OPLAH: variants seen among roughly 807,000 people sequenced by gnomAD.
OPLAH encodes 5-oxoprolinase.
In OPLAH, 103 loss-of-function variants were observed where a neutral mutation model predicts 122.8. The ratio of observed to expected loss-of-function variants is 0.84; its 90% CI spans 0.71 to 0.99. OPLAH has a LOEUF of 0.99. Among genes scored for constraint, OPLAH ranks in the 50% least tolerant of loss-of-function variants. The pLI is 0.00. For missense variants in OPLAH, 1,902 were observed against 1,836.5 expected (o/e 1.04, Z -0.65); for synonymous variants, 875 against 796.0 (o/e 1.10, Z -1.67).
Position 144,051,903 on chromosome 8 carries a change from G to C in OPLAH, c.3622+13C>G. ...GGGGCGGGGAGGGCCGCGAGGGCTG[G>C]GGAACCGCGCACCGTGGAGCCCGTA... On this transcript the variant is annotated intron_variant, in intron 25 of 26. Coordinates refer to ENST00000618853, the MANE Select transcript of OPLAH (RefSeq NM_017570.5). The C allele has an allele frequency of 6.5e-7, 1 of 1,530,636 alleles. No homozygotes were observed. 94.8% of individuals were successfully genotyped at this position (1,530,636 alleles called of 1,614,324 possible).
At chr8:144,058,733 C>T (rs376334595) in intron 5 of OPLAH, 40 bp downstream of exon 5, 17 of 1,581,532 alleles carry the variant, frequency 1.1e-5, no homozygotes, top group South Asian at 2.3e-5. Flanking sequence ...CCACCAGGCC[C>T]GGCACCTGCT....
At chr8:144,056,581 C>T in intron 13 of OPLAH, 37 bp downstream of exon 13, 1 of 1,612,292 alleles carries the variant, frequency 6.2e-7, no homozygotes, top group Non-Finnish European at 8.5e-7. Context: ...GACAGGAGGG[C>T]CCCTTGCCAG....
In OPLAH at chr8:144,053,334, G is replaced by A. The variant is rs1835435929; in HGVS notation, c.2746C>T (p.Leu916=). The change falls in exon 20 of 27, where the codon CTG becomes TTG. Residue 916 remains leucine (L), a synonymous_variant. Transcript: ENST00000618853. ...KVPNCSGTRN[L]HDNLSDLRAQ... Reference sequence around the variant, plus strand: ...CGGAGGTCCGACAGGTTGTCGTGCAGGTTTCTGGTTCCGCTGCAGTTGGGG... The same window carrying A: ...CGGAGGTCCGACAGGTTGTCGTGCAAGTTTCTGGTTCCGCTGCAGTTGGGG... 1 of 1,612,906 alleles carries A rather than the reference G, an allele frequency of 6.2e-7. No individual in the cohort carries two copies. The highest frequency in any genetic ancestry group is 1.1e-5 in the South Asian group (1 of 91,074).
chr8:144,052,955 G>T, intron 21 of OPLAH, 28 bp downstream of exon 21: 4 of 1,582,770 alleles, frequency 2.5e-6, no homozygotes, highest in Non-Finnish European at 3.4e-6. Context: ...TGCCCCTGCC[G>T]CCTAGAGGCA....
rs535876529 is a variant in OPLAH, at chr8:144,054,881, G to T, written c.2442C>A (p.Gly814=). 1 of 1,610,374 alleles carries T rather than the reference G, an allele frequency of 6.2e-7. No homozygotes were observed. Among genetic ancestry groups the T allele is most frequent in the Admixed American group, 1.7e-5 (1 of 59,850 alleles). ...TGGGATGGTTGCTCAGTAGCACGTCGCCAGGGTGGAGATCGGCCCCCAGGT... is the reference window on the plus strand; with the variant it reads ...TGGGATGGTTGCTCAGTAGCACGTCTCCAGGGTGGAGATCGGCCCCCAGGT... The part of the protein sequence containing the change: ...IQHLGADLHP[G]DVLLSNHPSA... The change falls in exon 18 of 27, where the codon GGC becomes GGA. Residue 814 remains glycine, a synonymous_variant. Transcript: ENST00000618853.
chr8:144,053,381 G>A lies in OPLAH; in HGVS notation c.2699C>T (p.Ala900Val), dbSNP rs186909122. 1.6e-5 allele frequency: 25 copies of A among 1,606,740 alleles called. No homozygotes were observed. The African/African-American group carries it at 3.3e-4, about 21-fold the overall frequency. The change falls in exon 20 of 27, where the codon GCC (alanine) becomes GTC (valine). Residue 900 changes from alanine (A) to valine (V), a missense_variant. Coordinates refer to ENST00000618853, the MANE Select transcript of OPLAH (RefSeq NM_017570.5). The stretch of plus-strand genomic sequence containing the variant: ...GGGGACCTTGCCTGGCGCCCGCAGG[G>A]CCTCCGTCACCGCTGGATGGACAGT... ...GVFQEEAVTE[A>V]LRAPGKVPNC...
chr8:144,055,820 G>A lies in OPLAH; in HGVS notation c.2216C>T (p.Ser739Phe). ...GCTCATGAAGCGGTGTGAGAAGATG[G>A]ACAGCTGGATAGGGTCCAGCTGGGG... ...VGPQLDPIQL[S>F]IFSHRFMSIA... Residue 739 changes from serine to phenylalanine, a missense_variant, in exon 16 of 27, where the codon TCC becomes TTC. This residue lies in a region of OPLAH where 1,726 missense variants were observed against 1,642.1 expected (regional missense o/e 1.05). Transcript: ENST00000618853. The surrounding 1 kb of genome is among the most constrained non-coding windows in gnomAD (Gnocchi z 6.5). 5 of 1,562,566 alleles carry A rather than the reference G, an allele frequency of 3.2e-6. No homozygotes were observed. Among genetic ancestry groups the A allele is most frequent in the Non-Finnish European group, 4.3e-6 (5 of 1,154,954 alleles).
In OPLAH at chr8:144,055,948, C is replaced by T. The variant is rs1554758906; in HGVS notation, c.2097-9G>A. ...GCTCCACCAGGATGGTGCTGGGGAG[C>T]AGAGGGCACAGAGGGCTGCATGGGG... On this transcript the variant is annotated splice_polypyrimidine_tract_variant and intron_variant, in intron 15 of 26. Transcript: ENST00000618853. This position sits in a 1 kb window ranked among gnomAD's most constrained non-coding sequence, Gnocchi z 6.5. The T allele has an allele frequency of 4.5e-6, 7 of 1,550,206 alleles. 1 individual carries two copies. The South Asian group carries it at 8.4e-5, about 18-fold the overall frequency.
upstream of OPLAH, among the ~76,000 whole-genome samples, chr8:144,061,359 A>C (rs1835660223): frequency 1.3e-5 from 2 of 152,128 alleles, no homozygotes; most frequent in Non-Finnish European, 2.9e-5. Context: ...CGCTACTAAA[A>C]ATACAAAAAT....
chr8:144,054,615 C>T lies in OPLAH; in HGVS notation c.2632G>A (p.Gly878Ser), dbSNP rs889632342. 4 of 1,608,186 alleles carry T rather than the reference C, an allele frequency of 2.5e-6. No homozygotes were observed. Among genetic ancestry groups the T allele is most frequent in the East Asian group, 2.2e-5 (1 of 44,702 alleles). Residue 878 changes from glycine to serine, a missense_variant, in exon 19 of 27, where the codon GGT (glycine) becomes AGT (serine). Transcript: ENST00000618853. ...AGTTTGAAGGACAGAAAGACGGCAC[C>T]CTCCTGTTGCAGCATGGTGGAGTGG... ...PPHSTMLQQE[G>S]AVFLSFKLVQ...
At chr8:144,057,162 C>T (rs1554759454) in intron 11 of OPLAH, 44 bp from the exon 12 acceptor site, 1 of 1,597,404 alleles carries the variant, frequency 6.3e-7, no homozygotes, top group Non-Finnish European at 8.5e-7. Flanking sequence ...ACCTCCCAAG[C>T]CCGGCGCAGA....
At chr8:144,054,151 C>G (rs1554758370) in intron 19 of OPLAH, among the ~76,000 whole-genome samples, 1 of 151,922 alleles carries the variant, frequency 6.6e-6, no homozygotes, top group African/African-American at 2.4e-5. Flanking sequence ...CACGGCCACC[C>G]ACCACCCAGT....
In OPLAH at chr8:144,051,906, A is replaced by G. The variant is rs1835387051; in HGVS notation, c.3622+10T>C. On this transcript the variant is annotated intron_variant, in intron 25 of 26. Coordinates refer to ENST00000618853, the MANE Select transcript of OPLAH (RefSeq NM_017570.5). ...GCGGGGAGGGCCGCGAGGGCTGGGG[A>G]ACCGCGCACCGTGGAGCCCGTATGG... The G allele has an allele frequency of 6.5e-7, 1 of 1,530,578 alleles. No individual in the cohort carries two copies. The allele number at this position is 1,530,578 out of a possible 1,614,324, so 94.8% of individuals were successfully genotyped here. A position where few individuals can be genotyped will look rare whatever the true frequency, so the allele number is the denominator to read the frequency against.
chr8:144,052,441 C>T lies in OPLAH; in HGVS notation c.3303+8G>A. 2.0e-6 allele frequency: 3 copies of T among 1,534,232 alleles called. No homozygotes were observed. The highest frequency in any genetic ancestry group is 2.0e-5 in the Admixed American group (1 of 50,824). The stretch of plus-strand genomic sequence containing the variant: ...CGCCCCCGAGCTGCGCCCACCCCGC[C>T]CCCGCACCTGGGAGGCGGCGCAGGC... On this transcript the variant is annotated splice_region_variant and intron_variant, in intron 23 of 26. Transcript: ENST00000618853.
chr8:144,063,449 A>C (rs1835695210), upstream of OPLAH, among the ~76,000 whole-genome samples: 1 of 152,170 alleles, frequency 6.6e-6, no homozygotes, highest in Admixed American at 6.5e-5. The surrounding 1 kb of genome is among the most constrained non-coding windows in gnomAD (Gnocchi z 4.2). Flanking sequence ...TGACAGCTTC[A>C]GGCACAGACA....
chr8:144,052,431 C>A lies in OPLAH; in HGVS notation c.3303+18G>T, dbSNP rs1247366939. 3 of 1,532,292 alleles carry A rather than the reference C, an allele frequency of 2.0e-6. No individual in the cohort carries two copies. In the African/African-American group the frequency reaches 4.1e-5, roughly 21 times the overall value. The allele number at this position is 1,532,292 out of a possible 1,614,324, so 94.9% of individuals were successfully genotyped here. A position where few individuals can be genotyped will look rare whatever the true frequency, so the allele number is the denominator to read the frequency against. On this transcript the variant is annotated intron_variant, in intron 23 of 26. Transcript: ENST00000618853. ...CCACCCAGTCCGCCCCCGAGCTGCG[C>A]CCACCCCGCCCCCGCACCTGGGAGG...
At chr8:144,056,856 G>T (rs546488295) in intron 12 of OPLAH, 92 bp downstream of exon 12, 24 of 1,423,874 alleles carry the variant, frequency 1.7e-5, no homozygotes, top group Non-Finnish European at 2.2e-5. Flanking sequence ...CGCACACCCC[G>T]GGACCACCTG....
rs1483642146 is a variant in OPLAH, at chr8:144,057,177, A to T, written c.1535+31T>A. 3 of 1,604,868 alleles carry T rather than the reference A, an allele frequency of 1.9e-6. No homozygotes were observed. The South Asian group carries it at 3.3e-5, about 18-fold the overall frequency. The stretch of plus-strand genomic sequence containing the variant: ...ACCTCCCAAGCCCGGCGCAGATCAC[A>T]CCACCTCCGTGCACCCACACCCAGG... On this transcript the variant is annotated intron_variant, in intron 11 of 26. Coordinates refer to ENST00000618853, the MANE Select transcript of OPLAH (RefSeq NM_017570.5).
At position 144,059,695 on chromosome 8, in the gene OPLAH, C is replaced by T. The variant is rs1255322994; in HGVS notation, c.267G>A (p.Leu89=). Residue 89 remains leucine (L), a synonymous_variant, in exon 3 of 27, where the codon CTG becomes CTA. Transcript: ENST00000618853. ...MGTTVATNAL[L]ERKGERVALL... is the part of the protein sequence containing the mutation. The stretch of plus-strand genomic sequence containing the variant: ...GCGCCACCCGCTCCCCCTTCCGCTC[C>T]AGCAGTGCGTTGGTGGCCACTGTGG... The T allele has an allele frequency of 2.5e-6, 4 of 1,612,162 alleles. No homozygotes were observed. Among genetic ancestry groups the T allele is most frequent in the East Asian group, 2.2e-5 (1 of 44,892 alleles).
Sources: allele counts gnomAD v4.1 joint callset (sites outside exome capture counted in the v4.1 genomes callset), GRCh38; gene constraint gnomAD v4.1.1; regional missense constraint gnomAD v4.1.1; non-coding constraint Gnocchi (gnomAD v3.1); transcripts MANE v1.5; gene names NCBI Gene and HGNC (gene_info 2026-07-23, HGNC 2026-07-21).